The following EDC3 variants were observed in gnomAD, a reference collection of about 807,000 sequenced individuals.
The protein encoded by EDC3 is enhancer of mRNA-decapping protein 3.
In EDC3, 20 loss-of-function variants were observed where a neutral mutation model predicts 41.8. The ratio of observed to expected loss-of-function variants is 0.48; its 90% CI spans 0.34 to 0.70. The LOEUF (loss-of-function observed/expected upper bound fraction) is 0.70, where lower values mean the gene tolerates loss of function less well. Among genes scored for constraint, EDC3 ranks in the 30% least tolerant of loss-of-function variants. The pLI is 0.01. For synonymous variants in EDC3, 206 were observed against 243.2 expected, an observed-to-expected ratio of 0.85 and a Z score of 1.42; for missense variants, 444 against 636.8, an observed-to-expected ratio of 0.70 and a Z score of 3.26.
chr15:74,684,011 T>C (rs1186675611), intron 1 of EDC3, among the ~76,000 whole-genome samples: 2 of 151,712 alleles, frequency 1.3e-5, no homozygotes, highest in African/African-American at 4.8e-5. Flanking sequence ...GCTATGATTG[T>C]ACCACTGCAC....
At chr15:74,670,452 T>C (rs1467243432) in intron 3 of EDC3, among the ~76,000 whole-genome samples, 1 of 152,162 alleles carries the variant, frequency 6.6e-6, no homozygotes, top group Non-Finnish European at 1.5e-5. Context: ...ATTTTATTTT[T>C]GAGACAGAGT....
intron 1 of EDC3, among the ~76,000 whole-genome samples, chr15:74,685,273 T>C (rs749668940): frequency 6.6e-6 from 1 of 152,064 alleles, no homozygotes. Context: ...GGCACATGCC[T>C]GTAATACAAG....
intron 1 of EDC3, among the ~76,000 whole-genome samples, chr15:74,685,763 C>T (rs1253907779): frequency 6.6e-6 from 1 of 152,070 alleles, no homozygotes; most frequent in Non-Finnish European, 1.5e-5. Context: ...AATATAAATA[C>T]ACATGTTAAG....
intron 1 of EDC3, among the ~76,000 whole-genome samples, chr15:74,692,194 C>A (rs1194682890): frequency 6.6e-6 from 1 of 152,096 alleles, no homozygotes; most frequent in African/African-American, 2.4e-5. Flanking sequence ...GCCCATAAAG[C>A]CTTTCATCTG....
At chr15:74,673,716 T>C (rs1276633437) in intron 2 of EDC3, among the ~76,000 whole-genome samples, 1 of 151,946 alleles carries the variant, frequency 6.6e-6, no homozygotes, top group Non-Finnish European at 1.5e-5. Context: ...GGCGGGCACC[T>C]GCAGTCCCAG....
chr15:74,635,932 TCTGCAGCC>T, intron 5 of EDC3: 2 of 372,198 alleles, frequency 5.4e-6, no homozygotes, highest in South Asian at 6.8e-5. Context: ...TAATAGTTCC[TCTGCAGCC>T]TTGTCTGCTC....
At chr15:74,661,045 C>CA (rs753858050) in intron 3 of EDC3, among the ~76,000 whole-genome samples, 2 of 152,184 alleles carry the variant, frequency 1.3e-5, no homozygotes, top group Non-Finnish European at 2.9e-5. Flanking sequence ...GCATTAAGTG[C>CA]ATTCACACTA....
At position 74,691,850 on chromosome 15, in the gene EDC3, T is replaced by C. The variant is rs183306259; in HGVS notation, c.-19+4030A>G. On this transcript the variant is annotated intron_variant, in intron 1 of 6. Coordinates refer to ENST00000315127, the MANE Select transcript of EDC3 (RefSeq NM_025083.5). Reference sequence around the variant, plus strand: ...TTGGGTTTTTTTGAGACAGTCTTGCTCTGTCGTCCAGGCTGGAGTGCAGTG... The same window carrying C: ...TTGGGTTTTTTTGAGACAGTCTTGCCCTGTCGTCCAGGCTGGAGTGCAGTG... 3.6e-4 allele frequency among the ~76,000 whole-genome samples: 55 copies of C among 152,282 alleles called. 1 individual carries two copies. The highest frequency in any genetic ancestry group is 3.5e-3 in the Admixed American group (54 of 15,272).
intron 4 of EDC3, chr15:74,641,497 T>C (rs2062351248): frequency 6.5e-6 from 1 of 152,900 alleles, no homozygotes; most frequent in South Asian, 2.1e-4. Context: ...ACCCAAAAAT[T>C]TGGATCTGCA....
At chr15:74,683,626 A>C (rs1226126762) in intron 1 of EDC3, among the ~76,000 whole-genome samples, 9 of 152,134 alleles carry the variant, frequency 5.9e-5, no homozygotes, top group African/African-American at 2.2e-4. Flanking sequence ...GTTTTGCAAG[A>C]TGTTACCAAC....
chr15:74,635,329 C>G, intron 6 of EDC3, 80 bp downstream of exon 6: 1 of 1,368,650 alleles, frequency 7.3e-7, no homozygotes, highest in South Asian at 1.2e-5. Flanking sequence ...TTCCACCTGT[C>G]GCCACTGGGT....
rs1386487726 is a variant in EDC3, at chr15:74,632,983, G to A, written c.1193-37C>T. 3 of 1,599,006 alleles carry A rather than the reference G, an allele frequency of 1.9e-6. No individual in the cohort carries two copies. The highest frequency in any genetic ancestry group is 2.6e-6 in the Non-Finnish European group (3 of 1,170,374). On this transcript the variant is annotated intron_variant, in intron 6 of 6. Coordinates refer to ENST00000315127, the MANE Select transcript of EDC3 (RefSeq NM_025083.5). This position sits in a 1 kb window ranked among gnomAD's most constrained non-coding sequence, Gnocchi z 4.0. ...AAGAGTGCCATCTGAAAGTCCCTATGAGCAGAGAGCAGCCCAGGCTGGGAC... is the reference window on the plus strand; with the variant it reads ...AAGAGTGCCATCTGAAAGTCCCTATAAGCAGAGAGCAGCCCAGGCTGGGAC...
rs1384235021 is a variant in EDC3, at chr15:74,631,947, C to T, written c.*665G>A. 1 of 154,634 alleles carries T rather than the reference C, an allele frequency of 6.5e-6. No homozygotes were observed. Among genetic ancestry groups the T allele is most frequent in the African/African-American group, 2.4e-5 (1 of 41,452 alleles). The allele number at this position is 154,634 out of a possible 1,614,324, so 9.6% of individuals were successfully genotyped here. On this transcript the variant is annotated 3_prime_UTR_variant, in exon 7 of 7. Coordinates refer to ENST00000315127, the MANE Select transcript of EDC3 (RefSeq NM_025083.5). Reference sequence around the variant, plus strand: ...TAAAATCCCAATACAGTAACACCATCCTAATGCCGCCCCCTTCCCTACCTC... The same window carrying T: ...TAAAATCCCAATACAGTAACACCATTCTAATGCCGCCCCCTTCCCTACCTC...
Position 74,671,656 on chromosome 15 carries a change from T to A in EDC3, c.283A>T (p.Ile95Phe). Residue 95 changes from isoleucine (I) to phenylalanine (F), a missense_variant, in exon 3 of 7, where the codon ATC becomes TTC. This residue lies in a region of EDC3 where 200 missense variants were observed against 244.0 expected (regional missense o/e 0.82). Coordinates refer to ENST00000315127, the MANE Select transcript of EDC3 (RefSeq NM_025083.5). The surrounding 1 kb of genome is among the most constrained non-coding windows in gnomAD (Gnocchi z 4.6). ...AACTTGCCTGTGCCATTCTGATTGA[T>A]GCCCACTTGGCAGCCAGCACCAGAG... ...GPSGAGCQVG[I>F]NQNGTGKFVK... 1 of 1,614,198 alleles carries A rather than the reference T, an allele frequency of 6.2e-7. No individual in the cohort carries two copies. The highest frequency in any genetic ancestry group is 8.5e-7 in the Non-Finnish European group (1 of 1,180,034).
rs77929313 is a variant in EDC3, at chr15:74,680,392, A to C, written c.-18-5250T>G. 4.3e-3 allele frequency among the ~76,000 whole-genome samples: 662 copies of C among 152,292 alleles called. 2 individuals carry two copies. The highest frequency in any genetic ancestry group is 0.015 in the African/African-American group (620 of 41,566). ...CCATATTAACAGGCTAAATAAGAAA[A>C]ACACATGTTCATAGCAACTGACACA... On this transcript the variant is annotated intron_variant, in intron 1 of 6. Coordinates refer to ENST00000315127, the MANE Select transcript of EDC3 (RefSeq NM_025083.5).
chr15:74,635,391 CCCTG>C lies in EDC3; in HGVS notation c.1192+14_1192+17del. 2 of 1,613,070 alleles carry C rather than the reference CCCTG, an allele frequency of 1.2e-6. No individual in the cohort carries two copies. The highest frequency in any genetic ancestry group is 1.7e-6 in the Non-Finnish European group (2 of 1,178,960). On this transcript the variant is annotated intron_variant, in intron 6 of 6. Coordinates refer to ENST00000315127, the MANE Select transcript of EDC3 (RefSeq NM_025083.5). ...AGGAGGGAGGAGGCCTTCAGCCCAG[CCCTG>C]CCTAAGTGCTCACCTTTGAGGCTAG...
intron 3 of EDC3, among the ~76,000 whole-genome samples, chr15:74,660,244 A>T (rs1323481578): frequency 6.6e-6 from 1 of 151,254 alleles, no homozygotes; most frequent in Non-Finnish European, 1.5e-5. Context: ...TCTCTACTAA[A>T]AATACAAAAA....
At chr15:74,684,436 G>A (rs2062912725) in intron 1 of EDC3, among the ~76,000 whole-genome samples, 1 of 132,116 alleles carries the variant, frequency 7.6e-6, no homozygotes, top group Admixed American at 8.9e-5. Flanking sequence ...AAAGTGCTAA[G>A]ATTACAGGCA....
At chr15:74,685,413 G>C (rs941547966) in intron 1 of EDC3, among the ~76,000 whole-genome samples, 4 of 149,688 alleles carry the variant, frequency 2.7e-5, no homozygotes, top group Non-Finnish European at 3.0e-5. Context: ...AAAACAAAAA[G>C]TATATAGATA....
Sources: gnomAD v4.1 joint callset for allele counts (sites outside exome capture counted in the v4.1 genomes callset) on GRCh38, gnomAD v4.1.1 for gene constraint, gnomAD v4.1.1 regional missense constraint, Gnocchi (gnomAD v3.1) non-coding constraint, MANE v1.5 for transcripts, NCBI Gene and HGNC (gene_info 2026-07-23, HGNC 2026-07-21) for gene names.